The following CEACAM19 variants were observed in gnomAD, a reference collection of about 807,000 sequenced individuals.
The protein encoded by CEACAM19 is cell adhesion molecule CEACAM19.
Under a neutral mutation model 37.6 loss-of-function variants are expected in CEACAM19, and 37 were observed. The observed-to-expected ratio is 0.98, with a 90% confidence interval of 0.76 to 1.29. The LOEUF is 1.29. Ranked by LOEUF, CEACAM19 falls within the 50% of genes most tolerant of loss-of-function variation. The pLI, the probability that CEACAM19 is intolerant of heterozygous loss-of-function variation, is 0.00. For synonymous variants in CEACAM19, 140 were observed against 149.8 expected, an observed-to-expected ratio of 0.93 and a Z score of 0.48; for missense variants, 340 against 375.6, an observed-to-expected ratio of 0.91 and a Z score of 0.78.
chr19:44,672,009 A>C (rs1459570792), intron 1 of CEACAM19, 23 bp downstream of exon 1: 1 of 1,587,562 alleles, frequency 6.3e-7, no homozygotes, highest in South Asian at 1.1e-5. Context: ...TAGACCCTAA[A>C]GGCCAAGGGG....
Position 44,680,963 on chromosome 19 carries a change from C to T in CEACAM19, c.707-264C>T, listed in dbSNP as rs576461626. 7.9e-5 allele frequency among the ~76,000 whole-genome samples: 12 copies of T among 152,026 alleles called. No individual in the cohort carries two copies. The East Asian group carries it at 1.8e-3, about 22-fold the overall frequency. On this transcript the variant is annotated intron_variant, in intron 5 of 7. Coordinates refer to ENST00000358777, the MANE Select transcript of CEACAM19 (RefSeq NM_001127893.3). ...AGGCACCCCGTCTTGGGCTCCCACC[C>T]GCCCCCAGTCCCCCGACTCCAGCCC...
upstream of CEACAM19, among the ~76,000 whole-genome samples, chr19:44,668,646 T>A (rs1452531976): frequency 2.4e-5 from 2 of 81,770 alleles, no homozygotes; most frequent in Non-Finnish European, 4.2e-5. Context: ...ATATTATATA[T>A]GTATATAATT....
Position 44,683,541 on chromosome 19 carries a change from C to G in CEACAM19, c.*51C>G. 1.6e-6 allele frequency: 2 copies of G among 1,226,060 alleles called. No homozygotes were observed. Among genetic ancestry groups the G allele is most frequent in the Non-Finnish European group, 1.1e-6 (1 of 887,708 alleles). 75.9% of individuals were successfully genotyped at this position (1,226,060 alleles called of 1,614,324 possible). A position where few individuals can be genotyped will look rare whatever the true frequency, so the allele number is the denominator to read the frequency against. On this transcript the variant is annotated 3_prime_UTR_variant, in exon 8 of 8. Coordinates refer to ENST00000358777, the MANE Select transcript of CEACAM19 (RefSeq NM_001127893.3). ...GAGAAGACAAGGCCCCAGCCCTCCT[C>G]TGGGAGCCTCACACCTGAGACCAGC...
At chr19:44,671,232 C>T (rs1182194979), upstream of CEACAM19, 1 of 153,924 alleles carries the variant, frequency 6.5e-6, no homozygotes, top group Non-Finnish European at 1.4e-5. Flanking sequence ...AGTGATTCTC[C>T]TGCCTCAGCC....
chr19:44,668,011 AT>A (rs1179923594), upstream of CEACAM19, among the ~76,000 whole-genome samples: 14 of 54 alleles, frequency 0.26, 1 homozygote, highest in South Asian at 0.57. Flanking sequence ...ATAGATTTAT[AT>A]TATTTATATA....
At chr19:44,681,370 G>C (rs1974056861) in intron 6 of CEACAM19, 58 bp downstream of exon 6, 1 of 1,192,052 alleles carries the variant, frequency 8.4e-7, no homozygotes, top group Non-Finnish European at 1.2e-6. Context: ...CCTCCTCTCT[G>C]AGCTGGCTGT....
At chr19:44,673,678 T>C (rs1973896832) in intron 2 of CEACAM19, 1 of 152,152 alleles carries the variant, frequency 6.6e-6, no homozygotes, top group South Asian at 2.1e-4. Context: ...AACAACTCCA[T>C]GAGGCCAGCG....
At chr19:44,680,470 C>A in intron 5 of CEACAM19, 136 bp downstream of exon 5, 1 of 736,740 alleles carries the variant, frequency 1.4e-6, no homozygotes, top group Non-Finnish European at 2.3e-6. Flanking sequence ...CTCTGGGGCC[C>A]CCTGAACTCA....
intron 1 of CEACAM19, among the ~76,000 whole-genome samples, chr19:44,672,253 C>T (rs1973868208): frequency 1.3e-5 from 2 of 152,060 alleles, no homozygotes; most frequent in Non-Finnish European, 2.9e-5. Flanking sequence ...AGATGTATTA[C>T]ATATAGTTGG....
upstream of CEACAM19, among the ~76,000 whole-genome samples, chr19:44,667,708 TAA>T (rs1245021040): frequency 3.4e-4 from 27 of 79,240 alleles, no homozygotes; most frequent in African/African-American, 1.5e-3. Flanking sequence ...ATATATTATA[TAA>T]ATATATATAA....
At chr19:44,670,797 A>AC (rs1973842250), upstream of CEACAM19, among the ~76,000 whole-genome samples, 1 of 128,074 alleles carries the variant, frequency 7.8e-6, no homozygotes, top group Non-Finnish European at 1.6e-5. Flanking sequence ...AAAAAAAAAA[A>AC]AAAAAAAAAA....
chr19:44,666,269 G>A (rs1318822402), intron 1 of CEACAM19: 2 of 152,198 alleles, frequency 1.3e-5, no homozygotes, highest in Admixed American at 1.3e-4. Flanking sequence ...CCAGCCACCG[G>A]AAAATCCAGA....
At chr19:44,665,988 C>T (rs1245503128) in intron 1 of CEACAM19, 1 of 152,296 alleles carries the variant, frequency 6.6e-6, no homozygotes, top group East Asian at 1.9e-4. Context: ...CAGGACCTGC[C>T]CTCTGGGGCT....
chr19:44,669,564 C>G (rs1005052353), upstream of CEACAM19, among the ~76,000 whole-genome samples: 2 of 152,114 alleles, frequency 1.3e-5, no homozygotes, highest in African/African-American at 4.8e-5. Context: ...CTCACACACA[C>G]AGGCCCCACA....
At chr19:44,678,599 C>G (rs1249942722) in intron 3 of CEACAM19, 1 of 308,950 alleles carries the variant, frequency 3.2e-6, no homozygotes, top group Admixed American at 5.2e-5. Flanking sequence ...TTAGTAGAGA[C>G]GGGGTTTCAC....
At chr19:44,668,078 T>C (rs1378766545), upstream of CEACAM19, among the ~76,000 whole-genome samples, 2 of 83,762 alleles carry the variant, frequency 2.4e-5, no homozygotes, top group African/African-American at 1.0e-4. Context: ...TATATAAATA[T>C]ATTTATATAT....
intron 3 of CEACAM19, chr19:44,677,802 A>G (rs889576601): frequency 1.3e-5 from 2 of 151,840 alleles, no homozygotes; most frequent in Admixed American, 6.6e-5. Context: ...CAGCCTCCCA[A>G]GTAGCTGAGA....
upstream of CEACAM19, among the ~76,000 whole-genome samples, chr19:44,667,880 TA>T (rs1433651363): frequency 2.8e-5 from 2 of 71,124 alleles, no homozygotes; most frequent in African/African-American, 1.4e-4. Flanking sequence ...AATATATAAA[TA>T]TATATAAATT....
upstream of CEACAM19, among the ~76,000 whole-genome samples, chr19:44,668,182 AT>A (rs1189104198): frequency 3.5e-5 from 3 of 85,900 alleles, no homozygotes; most frequent in Non-Finnish European, 5.9e-5. Context: ...TATATTATAT[AT>A]AATATATTTT....
Sources: gnomAD v4.1 joint callset for allele counts (sites outside exome capture counted in the v4.1 genomes callset) on GRCh38, gnomAD v4.1.1 for gene constraint, MANE v1.5 for transcripts, NCBI Gene and HGNC (gene_info 2026-07-23, HGNC 2026-07-21) for gene names.